Variants in MYO5B observed in about 807,000 individuals in gnomAD.
MYO5B encodes the protein myosin VB.
A neutral mutation model predicts 229.3 loss-of-function variants in MYO5B; 143 were observed. That is an observed-to-expected ratio of 0.62 (90% CI 0.54 to 0.72). The LOEUF (loss-of-function observed/expected upper bound fraction) is 0.72. Among genes scored for constraint, MYO5B ranks in the 30% least tolerant of loss-of-function variants. The probability of loss-of-function intolerance (pLI) is 0.00; values close to 1 mark genes in which losing one functional copy is unlikely to be tolerated. For missense variants in MYO5B, 2,321 were observed against 2,331.0 expected (o/e 1.00, Z 0.09); for synonymous variants, 918 against 885.2 (o/e 1.04, Z -0.66).
chr18:50,043,418 TAA>T (rs1381189178), intron 2 of MYO5B, among the ~76,000 whole-genome samples: 2 of 111,272 alleles, frequency 1.8e-5, no homozygotes, highest in African/African-American at 7.4e-5. Flanking sequence ...ATTAAATATT[TAA>T]ATATATTTAA....
intron 5 of MYO5B, among the ~76,000 whole-genome samples, chr18:49,999,034 A>C (rs2026018614): frequency 6.6e-6 from 1 of 152,214 alleles, no homozygotes; most frequent in South Asian, 2.1e-4. Context: ...AATTGTAAAA[A>C]ATTTCCCCAT....
At chr18:50,031,580 C>A (rs2026390533) in intron 4 of MYO5B, among the ~76,000 whole-genome samples, 1 of 152,132 alleles carries the variant, frequency 6.6e-6, no homozygotes, top group Non-Finnish European at 1.5e-5. Context: ...CTTTATAATT[C>A]CCTGCCTTTC....
Position 50,116,695 on chromosome 18 carries a change from G to T in MYO5B, c.28-61317C>A, listed in dbSNP as rs910357656. The stretch of plus-strand genomic sequence containing the variant: ...TCAAAGTGTGGTCCCTGGATCAGCC[G>T]CATAGCTTCACGGGGGAACTCGTCA... On this transcript the variant is annotated intron_variant, in intron 1 of 39. Coordinates refer to ENST00000285039, the MANE Select transcript of MYO5B (RefSeq NM_001080467.3). Among the ~76,000 whole-genome samples the T allele has an allele frequency of 6.6e-5, 10 of 151,918 alleles. No homozygotes were observed. In the East Asian group the frequency reaches 1.9e-3, roughly 29 times the overall value.
At position 50,046,069 on chromosome 18, in the gene MYO5B, A is replaced by G. The variant is rs776874643; in HGVS notation, c.139-5755T>C. Among the ~76,000 whole-genome samples, 17 of 152,336 alleles carry G rather than the reference A, an allele frequency of 1.1e-4. No homozygotes were observed. In the East Asian group the frequency reaches 3.1e-3, roughly 28 times the overall value. On this transcript the variant is annotated intron_variant, in intron 2 of 39. Transcript: ENST00000285039. ...AGAGGAGAAAGAATTGGCTTTTATT[A>G]TCTACCCATGGAACCAGAAGATCTA... is the stretch of plus-strand genomic sequence containing the variant.
chr18:49,879,633 A>G (rs1478238252), intron 23 of MYO5B, among the ~76,000 whole-genome samples: 1 of 152,218 alleles, frequency 6.6e-6, no homozygotes, highest in Non-Finnish European at 1.5e-5. Context: ...ATTGGGTGGG[A>G]CTGTGAGGTC....
At chr18:50,107,373 A>G (rs564209292) in intron 1 of MYO5B, among the ~76,000 whole-genome samples, 86 of 151,972 alleles carry the variant, frequency 5.7e-4, no homozygotes, top group African/African-American at 2.0e-3. Context: ...GTGCTCTTGA[A>G]GAACTCCAAG....
intron 27 of MYO5B, among the ~76,000 whole-genome samples, chr18:49,869,985 C>T (rs1359550423): frequency 1.3e-5 from 2 of 152,212 alleles, no homozygotes; most frequent in Non-Finnish European, 2.9e-5. Context: ...TGCTCATTTT[C>T]ATCCCCAGGC....
chr18:50,029,887 C>T (rs771117952), intron 4 of MYO5B, among the ~76,000 whole-genome samples: 1 of 152,202 alleles, frequency 6.6e-6, no homozygotes, highest in East Asian at 1.9e-4. Context: ...TGGCTCCACA[C>T]TCAGATCAGC....
At chr18:49,873,736 C>T (rs2024484690) in intron 26 of MYO5B, among the ~76,000 whole-genome samples, 1 of 152,216 alleles carries the variant, frequency 6.6e-6, no homozygotes, top group Non-Finnish European at 1.5e-5. Context: ...GATGGGCTGG[C>T]AGTCACGTTC....
intron 1 of MYO5B, among the ~76,000 whole-genome samples, chr18:50,106,629 A>T (rs966581345): frequency 6.6e-6 from 1 of 152,138 alleles, no homozygotes; most frequent in African/African-American, 2.4e-5. Flanking sequence ...ATTCCTCTTC[A>T]GGTTTCACAG....
At chr18:49,965,153 T>C (rs757072289) in intron 10 of MYO5B, among the ~76,000 whole-genome samples, 11 of 152,192 alleles carry the variant, frequency 7.2e-5, no homozygotes, top group Admixed American at 1.3e-4. Flanking sequence ...CGTACACTGC[T>C]GGTGGCCAAC....
chr18:49,887,415 G>A (rs1466302734), intron 22 of MYO5B, among the ~76,000 whole-genome samples: 1 of 152,096 alleles, frequency 6.6e-6, no homozygotes, highest in Non-Finnish European at 1.5e-5. Flanking sequence ...GGGAAGCAAC[G>A]TTTTCATTGC....
At chr18:50,079,802 C>G (rs79289086) in intron 1 of MYO5B, among the ~76,000 whole-genome samples, 1,966 of 152,290 alleles carry the variant, frequency 0.013, 35 homozygotes, top group African/African-American at 0.045. Context: ...TGGGCAACAG[C>G]CCAGCTGGGC....
At chr18:50,010,826 A>G (rs2026153479) in intron 4 of MYO5B, among the ~76,000 whole-genome samples, 2 of 152,196 alleles carry the variant, frequency 1.3e-5, no homozygotes, top group Non-Finnish European at 2.9e-5. Flanking sequence ...CTTGGAAACT[A>G]TTTTGCAGCA....
chr18:50,138,459 G>T (rs1047144856), intron 1 of MYO5B, among the ~76,000 whole-genome samples: 1 of 152,190 alleles, frequency 6.6e-6, no homozygotes, highest in East Asian at 1.9e-4. Context: ...CTTTAAGCAA[G>T]AACAGAGACT....
chr18:49,976,300 C>A (rs1331956377), intron 9 of MYO5B, among the ~76,000 whole-genome samples: 1 of 152,178 alleles, frequency 6.6e-6, no homozygotes. Context: ...TATCCCCAGG[C>A]AATTTTTTCC....
At chr18:50,020,151 A>G (rs1280855591) in intron 4 of MYO5B, among the ~76,000 whole-genome samples, 2 of 152,202 alleles carry the variant, frequency 1.3e-5, no homozygotes, top group Admixed American at 6.5e-5. Flanking sequence ...TGCATTGACT[A>G]TGCATCAGCT....
At chr18:50,123,053 T>C (rs2032097203) in intron 1 of MYO5B, among the ~76,000 whole-genome samples, 2 of 152,170 alleles carry the variant, frequency 1.3e-5, no homozygotes, top group Non-Finnish European at 2.9e-5. Context: ...AGGTAAAAGG[T>C]GGAAACAACC....
chr18:49,878,534 A>C (rs2024551757), intron 24 of MYO5B, among the ~76,000 whole-genome samples: 1 of 152,156 alleles, frequency 6.6e-6, no homozygotes, highest in African/African-American at 2.4e-5. Flanking sequence ...AAATATCATA[A>C]AATTGTCTCT....
Sources: allele counts gnomAD v4.1 joint callset (sites outside exome capture counted in the v4.1 genomes callset), GRCh38; gene constraint gnomAD v4.1.1; transcripts MANE v1.5; gene names NCBI Gene and HGNC (gene_info 2026-07-23, HGNC 2026-07-21).